Variants in DYNC2I1 observed in about 807,000 individuals in gnomAD.
DYNC2I1 encodes cytoplasmic dynein 2 intermediate chain 1.
In DYNC2I1, 89 loss-of-function variants were observed where a neutral mutation model predicts 133.4. The observed-to-expected ratio is 0.67, with a 90% CI of 0.56 to 0.80. The LOEUF (loss-of-function observed/expected upper bound fraction) is 0.80, where lower values mean the gene tolerates loss of function less well. DYNC2I1 is among the 30% of genes least tolerant of loss of function. The probability of loss-of-function intolerance (pLI) is 0.00; values close to 1 mark genes in which losing one functional copy is unlikely to be tolerated. For synonymous variants in DYNC2I1, 504 were observed against 484.3 expected, an observed-to-expected ratio of 1.04 and a Z score of -0.54; for missense variants, 1,291 against 1,314.5, an observed-to-expected ratio of 0.98 and a Z score of 0.28.
Position 158,901,748 on chromosome 7 carries a change from A to G in DYNC2I1, c.1069A>G (p.Lys357Glu), listed in dbSNP as rs1846281414. 6.4e-7 allele frequency: 1 copy of G among 1,573,570 alleles called. No individual in the cohort carries two copies. Among genetic ancestry groups the G allele is most frequent in the Non-Finnish European group, 8.6e-7 (1 of 1,160,656 alleles). ...TGATTTTTACCTCTAGGAAATTGAA[A>G]AGGAAGAAACTGATTTAGAAAATGC... Reference protein sequence around the residue: ...PGGEETVEIEKEETDLENARA... With the variant: ...PGGEETVEIEEEETDLENARA... The change falls in exon 9 of 25, where the codon AAG becomes GAG. Residue 357 changes from lysine (K) to glutamate (E), a missense_variant. Physicochemically the swap from Lys to Glu is moderately conservative, Grantham distance 56. Transcript: ENST00000407559.
intron 14 of DYNC2I1, among the ~76,000 whole-genome samples, chr7:158,914,790 A>AC (rs539618855): frequency 2.6e-5 from 4 of 152,114 alleles, no homozygotes; most frequent in African/African-American, 4.8e-5. Flanking sequence ...GTCTCGTCTG[A>AC]CCCCCCTGCC....
chr7:158,905,146 T>TTTTTTTTTTC (rs1174829823), intron 10 of DYNC2I1: 2 of 403,232 alleles, frequency 5.0e-6, no homozygotes, highest in Admixed American at 3.0e-5. Context: ...TTTTCTTTTT[T>TTTTTTTTTTC]TTTTTTTTTT....
intron 11 of DYNC2I1, among the ~76,000 whole-genome samples, chr7:158,908,019 T>C (rs1383635298): frequency 1.3e-5 from 2 of 151,844 alleles, no homozygotes. Context: ...AAAAATTTTA[T>C]TAAATATTTT....
At chr7:158,929,229 G>A (rs1172604597) in intron 20 of DYNC2I1, among the ~76,000 whole-genome samples, 2 of 152,248 alleles carry the variant, frequency 1.3e-5, no homozygotes, top group South Asian at 4.1e-4. Flanking sequence ...TGCTGTTGGA[G>A]AGCTGAAGTC....
In DYNC2I1 at chr7:158,942,041, C is replaced by T; in HGVS notation, c.2895C>T (p.Thr965=). The change falls in exon 24 of 25, where the codon ACC becomes ACT. Residue 965 remains threonine, a synonymous_variant. Transcript: ENST00000407559. ...HAVTGLQWSP[T]RPAVFLVQDD... is the part of the protein sequence containing the mutation. ...TCACCGGCCTGCAGTGGTCCCCAAC[C>T]AGGCCTGCCGTGTTCCTGGTGCAGG... The T allele has an allele frequency of 1.2e-6, 2 of 1,613,378 alleles. No homozygotes were observed. The highest frequency in any genetic ancestry group is 1.7e-6 in the Non-Finnish European group (2 of 1,179,708).
intron 15 of DYNC2I1, among the ~76,000 whole-genome samples, chr7:158,919,639 C>T (rs1848816870): frequency 6.6e-6 from 1 of 152,202 alleles, no homozygotes; most frequent in Non-Finnish European, 1.5e-5. Context: ...CAGTTGGTGC[C>T]ACTGTTCCAG....
Position 158,879,986 on chromosome 7 carries a change from C to G in DYNC2I1, c.876C>G (p.Ser292=). 1 of 1,588,086 alleles carries G rather than the reference C, an allele frequency of 6.3e-7. No individual in the cohort carries two copies. Among genetic ancestry groups the G allele is most frequent in the Admixed American group, 1.9e-5 (1 of 52,518 alleles). ...AAGATGAGCCCAGGAAAAGGGAATC[C>G]CAGGTACCCCTTCTGATGCTTCGTT... is the stretch of plus-strand genomic sequence containing the variant. ...SAKDEPRKRE[S]QNGEHRNRGA... Residue 292 remains serine (S), a synonymous_variant, in exon 5 of 25, where the codon TCC becomes TCG. Coordinates refer to ENST00000407559, the MANE Select transcript of DYNC2I1 (RefSeq NM_018051.5).
At chr7:158,852,225 G>A (rs367920899), upstream of DYNC2I1, among the ~76,000 whole-genome samples, 7 of 151,844 alleles carry the variant, frequency 4.6e-5, no homozygotes, top group Non-Finnish European at 7.4e-5. Flanking sequence ...GGTTTCAAGC[G>A]ATTCTCCTGC....
rs373059986 is a variant in DYNC2I1, at chr7:158,905,945, C to T, written c.1358-44C>T. 4.0e-6 allele frequency: 6 copies of T among 1,498,546 alleles called. No homozygotes were observed. The East Asian group carries it at 6.8e-5, about 17-fold the overall frequency. The allele number at this position is 1,498,546 out of a possible 1,614,324, so 92.8% of individuals were successfully genotyped here. A position where few individuals can be genotyped will look rare whatever the true frequency, so the allele number is the denominator to read the frequency against. On this transcript the variant is annotated intron_variant, in intron 10 of 24. Transcript: ENST00000407559. ...TCCAGATATTTTTTTGCTTGGAAGA[C>T]ATATTTCCGTGTTGGAAAAATAGTG... is the stretch of plus-strand genomic sequence containing the variant.
At chr7:158,915,000 G>A (rs1847885671) in intron 14 of DYNC2I1, among the ~76,000 whole-genome samples, 2 of 152,258 alleles carry the variant, frequency 1.3e-5, no homozygotes, top group South Asian at 4.1e-4. Context: ...TGTAAGCTCA[G>A]CACTTGAGTC....
downstream of DYNC2I1, among the ~76,000 whole-genome samples, chr7:158,958,176 C>G (rs959124458): frequency 1.3e-5 from 2 of 152,338 alleles, no homozygotes; most frequent in Non-Finnish European, 2.9e-5. Context: ...TGCACCTGCC[C>G]GTCAGCCACA....
At chr7:158,918,326 T>G (rs1441441469) in intron 14 of DYNC2I1, among the ~76,000 whole-genome samples, 1 of 152,220 alleles carries the variant, frequency 6.6e-6, no homozygotes, top group Non-Finnish European at 1.5e-5. Flanking sequence ...TGTCAAATCC[T>G]AAGGATGACC....
At chr7:158,855,627 G>A (rs1027650515), upstream of DYNC2I1, among the ~76,000 whole-genome samples, 1 of 152,190 alleles carries the variant, frequency 6.6e-6, no homozygotes, top group Non-Finnish European at 1.5e-5. Context: ...CCCAAAGTTA[G>A]TTCAGCCTAC....
downstream of DYNC2I1, among the ~76,000 whole-genome samples, chr7:158,948,575 T>TGC (rs1285045507): frequency 1.2e-5 from 1 of 86,922 alleles, no homozygotes; most frequent in African/African-American, 9.2e-5. Context: ...ACACGGGAGG[T>TGC]GCTCAGTGAA....
chr7:158,867,672 G>A (rs1274822502), intron 1 of DYNC2I1, among the ~76,000 whole-genome samples: 1 of 152,142 alleles, frequency 6.6e-6, no homozygotes, highest in African/African-American at 2.4e-5. Context: ...TTAGGGTGCA[G>A]TCCTCACGCT....
chr7:158,912,248 A>G (rs1563155006), intron 12 of DYNC2I1, among the ~76,000 whole-genome samples: 2 of 152,168 alleles, frequency 1.3e-5, no homozygotes, highest in Non-Finnish European at 2.9e-5. Flanking sequence ...ATTTCCAATC[A>G]TTAATTCATT....
chr7:158,869,595 G>T, intron 1 of DYNC2I1: 1 of 518,398 alleles, frequency 1.9e-6, no homozygotes, highest in South Asian at 1.8e-5. Flanking sequence ...GTTATAACTT[G>T]TTTTCACTTT....
At chr7:158,940,942 A>G (rs1396629451) in intron 23 of DYNC2I1, among the ~76,000 whole-genome samples, 1 of 152,210 alleles carries the variant, frequency 6.6e-6, no homozygotes, top group East Asian at 1.9e-4. Context: ...GCAAGAACAA[A>G]CCAAACTCAA....
Position 158,883,811 on chromosome 7 carries a change from C to T in DYNC2I1, c.880-753C>T, listed in dbSNP as rs1844311602. On this transcript the variant is annotated intron_variant, in intron 5 of 24. Coordinates refer to ENST00000407559, the MANE Select transcript of DYNC2I1 (RefSeq NM_018051.5). ...CCCGAGTAGCTGGGACTACAGGCGC[C>T]CGCCACCACACCCGGCTAATTTTTT... 1.3e-5 allele frequency among the ~76,000 whole-genome samples: 2 copies of T among 148,766 alleles called. 1 individual carries two copies. The highest frequency in any genetic ancestry group is 4.2e-4 in the South Asian group (2 of 4,712).
Sources: allele counts gnomAD v4.1 joint callset (sites outside exome capture counted in the v4.1 genomes callset), GRCh38; gene constraint gnomAD v4.1.1; transcripts MANE v1.5; gene names NCBI Gene and HGNC (gene_info 2026-07-23, HGNC 2026-07-21).